Variants in NFIA observed in about 807,000 individuals in gnomAD.
NFIA encodes nuclear factor 1 A-type.
Under a neutral mutation model 62.8 loss-of-function variants are expected in NFIA, and 8 were observed. That is an observed-to-expected ratio of 0.13 (90% CI 0.07 to 0.23). The LOEUF (loss-of-function observed/expected upper bound fraction) is 0.23. Ranked by LOEUF, NFIA falls within the 10% of genes least tolerant of loss-of-function variation. NFIA has a pLI of 1.00. For missense variants in NFIA, 410 were observed against 642.1 expected (o/e 0.64, Z 3.91); for synonymous variants, 235 against 238.1 (o/e 0.99, Z 0.12).
At chr1:61,106,900 C>A (rs1438187059) in intron 2 of NFIA, among the ~76,000 whole-genome samples, 1 of 150,984 alleles carries the variant, frequency 6.6e-6, no homozygotes, top group East Asian at 1.9e-4. Context: ...TTCAGTTTTG[C>A]TTGTTTTTTT....
At chr1:61,419,899 GT>G (rs1483101871) in intron 9 of NFIA, among the ~76,000 whole-genome samples, 1 of 152,186 alleles carries the variant, frequency 6.6e-6, no homozygotes, top group African/African-American at 2.4e-5. Context: ...AGGGTTGTGA[GT>G]TTTTGTTGTT....
At chr1:61,257,281 A>G (rs1417155082) in intron 2 of NFIA, among the ~76,000 whole-genome samples, 1 of 149,012 alleles carries the variant, frequency 6.7e-6, no homozygotes, top group African/African-American at 2.5e-5. Flanking sequence ...GCAGAGGTAG[A>G]GAATTGTCTC....
intron 2 of NFIA, among the ~76,000 whole-genome samples, chr1:61,136,746 GT>G (rs34009912): frequency 0.076 from 11,576 of 152,182 alleles, 439 homozygotes; most frequent in East Asian, 0.097. Context: ...TGACTTGGAA[GT>G]TTTGGCAGAC....
chr1:61,088,128 TC>T lies in NFIA; in HGVS notation c.28-20del. On this transcript the variant is annotated intron_variant, in intron 1 of 10. Coordinates refer to ENST00000403491, the MANE Select transcript of NFIA (RefSeq NM_001134673.4). This position sits in a 1 kb window ranked among gnomAD's most constrained non-coding sequence, Gnocchi z 4.5. Reference sequence around the variant, plus strand: ...TTTGTTTTCATTCTACTTATATTTTTCTTTTTGTTCATTTTCCTAGGATGAA... The same window carrying T: ...TTTGTTTTCATTCTACTTATATTTTTTTTTTGTTCATTTTCCTAGGATGAA... The T allele has an allele frequency of 1.3e-6, 2 of 1,564,700 alleles. No homozygotes were observed. Among genetic ancestry groups the T allele is most frequent in the Non-Finnish European group, 1.7e-6 (2 of 1,160,414 alleles).
chr1:61,192,986 T>C (rs1651748434), intron 2 of NFIA, among the ~76,000 whole-genome samples: 1 of 152,202 alleles, frequency 6.6e-6, no homozygotes, highest in African/African-American at 2.4e-5. Flanking sequence ...AATTTAAACA[T>C]TTTTGTTTCT....
chr1:61,347,748 G>C (rs762850225), intron 4 of NFIA, among the ~76,000 whole-genome samples: 1 of 152,136 alleles, frequency 6.6e-6, no homozygotes, highest in Admixed American at 6.5e-5. Flanking sequence ...ATTCCACTTA[G>C]GTTGTAAACC....
chr1:61,377,656 T>C (rs1401049477), intron 6 of NFIA, among the ~76,000 whole-genome samples: 2 of 152,242 alleles, frequency 1.3e-5, no homozygotes, highest in African/African-American at 2.4e-5. Flanking sequence ...ATGAACATTA[T>C]TGAAACTAAA....
At chr1:61,375,952 C>T (rs1214766526) in intron 6 of NFIA, among the ~76,000 whole-genome samples, 2 of 152,150 alleles carry the variant, frequency 1.3e-5, no homozygotes, top group Non-Finnish European at 2.9e-5. Context: ...TCTCCTGGAA[C>T]TCACTTTTCA....
At chr1:61,212,727 G>A (rs1253481536) in intron 2 of NFIA, among the ~76,000 whole-genome samples, 1 of 152,210 alleles carries the variant, frequency 6.6e-6, no homozygotes, top group Non-Finnish European at 1.5e-5. Flanking sequence ...TTCAGGCACA[G>A]ACACTGCATT....
chr1:61,312,988 TC>T (rs1660194613), intron 3 of NFIA, among the ~76,000 whole-genome samples: 1 of 152,234 alleles, frequency 6.6e-6, no homozygotes, highest in Non-Finnish European at 1.5e-5. Flanking sequence ...TAATTTGGTG[TC>T]GCTTTATCCT....
chr1:61,189,755 A>G (rs1288806272), intron 2 of NFIA, among the ~76,000 whole-genome samples: 2 of 152,168 alleles, frequency 1.3e-5, no homozygotes, highest in Admixed American at 6.5e-5. Flanking sequence ...CTAGTGTTTT[A>G]CTATGCAGAC....
At chr1:61,125,399 C>A (rs149022818) in intron 2 of NFIA, among the ~76,000 whole-genome samples, 1 of 152,142 alleles carries the variant, frequency 6.6e-6, no homozygotes. Flanking sequence ...ATGGTATTTC[C>A]TAAACCTTAG....
intron 3 of NFIA, among the ~76,000 whole-genome samples, chr1:61,314,064 C>T (rs1660246274): frequency 6.6e-6 from 1 of 152,250 alleles, no homozygotes; most frequent in Admixed American, 6.5e-5. Flanking sequence ...GCTCGTATCA[C>T]TTTATTGTTA....
chr1:61,403,973 G>A, intron 7 of NFIA, 131 bp from the exon 8 acceptor site: 3 of 1,061,760 alleles, frequency 2.8e-6, no homozygotes, highest in South Asian at 3.1e-5. Context: ...CCTATCCAGT[G>A]TTAAATTCAG....
At chr1:61,201,492 AGATTTCT>A (rs1652488325) in intron 2 of NFIA, among the ~76,000 whole-genome samples, 1 of 151,836 alleles carries the variant, frequency 6.6e-6, no homozygotes, top group Non-Finnish European at 1.5e-5. Context: ...TTGTCAGGTT[AGATTTCT>A]CTTTCCTTTC....
At position 61,383,262 on chromosome 1, in the gene NFIA, G is replaced by C. The variant is rs777853182; in HGVS notation, c.972G>C (p.Lys324Asn). The C allele has an allele frequency of 2.5e-6, 4 of 1,613,982 alleles. No individual in the cohort carries two copies. Among genetic ancestry groups the C allele is most frequent in the Non-Finnish European group, 3.4e-6 (4 of 1,179,912 alleles). Reference protein sequence around the residue: ...EPGMPSPTTLKKSEKSGFSSP... With the variant: ...EPGMPSPTTLNKSEKSGFSSP... ...GAATGCCATCTCCAACCACACTGAA[G>C]AAGTCGGAGAAGTCTGGTTTCAGCA... Residue 324 changes from lysine to asparagine, a missense_variant, in exon 7 of 11, where the codon AAG becomes AAC. This residue lies in a region of NFIA where 298 missense variants were observed against 438.1 expected (regional missense o/e 0.68). Transcript: ENST00000403491.
At chr1:61,400,002 G>A (rs1480253464) in intron 7 of NFIA, among the ~76,000 whole-genome samples, 2 of 152,118 alleles carry the variant, frequency 1.3e-5, no homozygotes, top group Admixed American at 6.5e-5. Flanking sequence ...TTTTTCAATT[G>A]TTTGAATTTT....
At chr1:61,380,243 A>G (rs1232325973) in intron 6 of NFIA, among the ~76,000 whole-genome samples, 1 of 152,184 alleles carries the variant, frequency 6.6e-6, no homozygotes, top group Admixed American at 6.5e-5. Flanking sequence ...TCATTCTACA[A>G]AAGTCTTTAT....
intron 2 of NFIA, among the ~76,000 whole-genome samples, chr1:61,206,879 CTTGCAAAATT>C (rs1483347222): frequency 6.6e-6 from 1 of 152,146 alleles, no homozygotes; most frequent in Non-Finnish European, 1.5e-5. Context: ...TGTACTGTTA[CTTGCAAAATT>C]TTGCATATTT....
Sources: gnomAD v4.1 joint callset for allele counts (sites outside exome capture counted in the v4.1 genomes callset) on GRCh38, gnomAD v4.1.1 for gene constraint, gnomAD v4.1.1 regional missense constraint, Gnocchi (gnomAD v3.1) non-coding constraint, MANE v1.5 for transcripts, NCBI Gene and HGNC (gene_info 2026-07-23, HGNC 2026-07-21) for gene names.